The following OXR1 variants were observed in gnomAD, a reference collection of about 807,000 sequenced individuals.
OXR1 encodes the protein oxidation resistance protein 1.
A neutral mutation model predicts 104.6 loss-of-function variants in OXR1; 41 were observed. That is an observed-to-expected ratio of 0.39 (90% CI 0.31 to 0.51). The LOEUF (loss-of-function observed/expected upper bound fraction) is 0.51. Ranked by LOEUF, OXR1 falls within the 20% of genes least tolerant of loss-of-function variation. OXR1 has a pLI of 0.77. For missense variants in OXR1, 955 were observed against 1,031.9 expected (o/e 0.93, Z 1.02); for synonymous variants, 348 against 348.4 (o/e 1.00, Z 0.01).
chr8:106,270,621 A>AAGACCGCGCGGCGAGGGAGG (rs1306956588), intron 1 of OXR1, among the ~76,000 whole-genome samples: 11 of 142,784 alleles, frequency 7.7e-5, no homozygotes, highest in Non-Finnish European at 1.5e-4. Context: ...GGAAGAAGGA[A>AAGACCGCGCGGCGAGGGAGG]AGACCGCGCG....
At chr8:106,349,422 A>G (rs1200335831) in intron 1 of OXR1, among the ~76,000 whole-genome samples, 1 of 152,178 alleles carries the variant, frequency 6.6e-6, no homozygotes, top group East Asian at 1.9e-4. Context: ...GATAATAAGG[A>G]TTTGAACTTG....
At chr8:106,581,670 C>T (rs1266394180) in intron 3 of OXR1, among the ~76,000 whole-genome samples, 2 of 151,940 alleles carry the variant, frequency 1.3e-5, no homozygotes, top group Non-Finnish European at 2.9e-5. Flanking sequence ...CATTTAATGT[C>T]ACACTTGAGA....
At chr8:106,522,189 G>A (rs997083804) in intron 3 of OXR1, among the ~76,000 whole-genome samples, 1 of 151,864 alleles carries the variant, frequency 6.6e-6, no homozygotes, top group Non-Finnish European at 1.5e-5. Context: ...TAGAAGTACA[G>A]TTATTCTTTA....
Position 106,719,846 on chromosome 8 carries a change from C to G in OXR1, c.1956+5861C>G, listed in dbSNP as rs569491062. 2.0e-5 allele frequency among the ~76,000 whole-genome samples: 3 copies of G among 152,152 alleles called. No homozygotes were observed. In the East Asian group the frequency reaches 5.8e-4, roughly 29 times the overall value. On this transcript the variant is annotated intron_variant, in intron 11 of 16. Transcript: ENST00000517566. ...TTTGAGATGGAGTCTCCGTCTGTCG[C>G]TCAGGCTGGAGTGCAGTGGCGTCAT...
intron 6 of OXR1, 35 bp from the exon 7 acceptor site, chr8:106,692,693 C>CTTTT: frequency 8.9e-7 from 1 of 1,127,844 alleles, no homozygotes; most frequent in Admixed American, 3.0e-5. Flanking sequence ...TTGTTTTCTG[C>CTTTT]TTTTTTTTTT....
At chr8:106,492,972 G>A (rs1005002375) in intron 2 of OXR1, among the ~76,000 whole-genome samples, 7 of 152,070 alleles carry the variant, frequency 4.6e-5, no homozygotes, top group African/African-American at 1.7e-4. Context: ...ATGCATTGTG[G>A]ATTTTCCCAC....
At chr8:106,425,136 A>G (rs1191404706) in intron 2 of OXR1, among the ~76,000 whole-genome samples, 1 of 117,700 alleles carries the variant, frequency 8.5e-6, no homozygotes, top group African/African-American at 3.4e-5. Context: ...CCCATCGCCC[A>G]GGTAGGAAGG....
chr8:106,464,724 G>A (rs1392195871), intron 2 of OXR1, among the ~76,000 whole-genome samples: 1 of 151,990 alleles, frequency 6.6e-6, no homozygotes, highest in East Asian at 1.9e-4. Context: ...TACTTATCCT[G>A]TAGCTGGAAG....
In OXR1 at chr8:106,752,349, A is replaced by G. The variant is rs1484249052; in HGVS notation, c.*1408A>G. On this transcript the variant is annotated 3_prime_UTR_variant, in exon 17 of 17. Coordinates refer to ENST00000517566, the MANE Select transcript of OXR1 (RefSeq NM_001198533.2). ...GTAGATTTAGTTGTATAGCACTTAC[A>G]TATTTAGTTCTTTTGAAAGTTTAGA... The G allele has an allele frequency of 6.6e-6, 1 of 152,544 alleles. No individual in the cohort carries two copies. The highest frequency in any genetic ancestry group is 1.5e-5 in the Non-Finnish European group (1 of 67,948). 9.4% of individuals were successfully genotyped at this position (152,544 alleles called of 1,614,324 possible). A position where few individuals can be genotyped will look rare whatever the true frequency, so the allele number is the denominator to read the frequency against.
chr8:106,310,854 G>C (rs1413388115), intron 1 of OXR1, among the ~76,000 whole-genome samples: 1 of 152,038 alleles, frequency 6.6e-6, no homozygotes, highest in Non-Finnish European at 1.5e-5. Flanking sequence ...AGGGATTTCT[G>C]TTTGTCCTCA....
chr8:106,353,094 C>G (rs947381286), intron 1 of OXR1, among the ~76,000 whole-genome samples: 1 of 152,172 alleles, frequency 6.6e-6, no homozygotes, highest in African/African-American at 2.4e-5. Context: ...CGCCTATAAT[C>G]CCAGCACTAT....
chr8:106,646,671 T>C (rs1176744095), intron 3 of OXR1, among the ~76,000 whole-genome samples: 3 of 151,874 alleles, frequency 2.0e-5, no homozygotes, highest in African/African-American at 7.3e-5. Context: ...CCCAGAAAGA[T>C]AAAAAGACAG....
intron 3 of OXR1, among the ~76,000 whole-genome samples, chr8:106,547,564 G>T (rs1815466139): frequency 6.9e-6 from 1 of 144,446 alleles, no homozygotes; most frequent in African/African-American, 2.6e-5. Context: ...CGCAATCTCA[G>T]CTGACTGTAA....
At position 106,578,983 on chromosome 8, in the gene OXR1, C is replaced by CTTTTTTTTTTTTTT. The variant is rs146593561; in HGVS notation, c.220+59847_220+59848insTTTTTTTTTTTTTT. 5.3e-5 allele frequency among the ~76,000 whole-genome samples: 7 copies of CTTTTTTTTTTTTTT among 131,000 alleles called. 1 individual carries two copies. Among genetic ancestry groups the CTTTTTTTTTTTTTT allele is most frequent in the African/African-American group, 9.0e-5 (3 of 33,224 alleles). 85.9% of individuals were successfully genotyped at this position (131,000 alleles called of 152,430 possible). A position where few individuals can be genotyped will look rare whatever the true frequency, so the allele number is the denominator to read the frequency against. The stretch of plus-strand genomic sequence containing the variant: ...GACCACCTAGGTAACCTCACTTTTT[C>CTTTTTTTTTTTTTT]TTTCTTTTTTTTTTTTTTTGCCTAG... On this transcript the variant is annotated intron_variant, in intron 3 of 16. Transcript: ENST00000517566.
At chr8:106,692,238 T>G (rs967872067) in intron 6 of OXR1, among the ~76,000 whole-genome samples, 1 of 152,020 alleles carries the variant, frequency 6.6e-6, no homozygotes, top group Admixed American at 6.6e-5. Flanking sequence ...TAGCTCGAGA[T>G]TTAAAAGGCT....
chr8:106,301,566 A>G (rs1303262781), intron 1 of OXR1, among the ~76,000 whole-genome samples: 1 of 152,194 alleles, frequency 6.6e-6, no homozygotes. Flanking sequence ...CCCTGCTGTG[A>G]TGCCCTTGTT....
chr8:106,367,025 G>T (rs964826325), intron 2 of OXR1, among the ~76,000 whole-genome samples: 8 of 150,758 alleles, frequency 5.3e-5, no homozygotes, highest in Non-Finnish European at 8.9e-5. Flanking sequence ...GTCAATAAAA[G>T]AATTCAATGC....
intron 2 of OXR1, among the ~76,000 whole-genome samples, chr8:106,517,579 G>A (rs1000549219): frequency 2.1e-4 from 27 of 127,312 alleles, no homozygotes; most frequent in African/African-American, 9.9e-4. Flanking sequence ...ACCACCACCA[G>A]CAGGGCAGAA....
chr8:106,557,723 G>A (rs1464700596), intron 3 of OXR1, among the ~76,000 whole-genome samples: 1 of 152,130 alleles, frequency 6.6e-6, no homozygotes, highest in Non-Finnish European at 1.5e-5. Flanking sequence ...TAGCTAAAAT[G>A]CTGCAAGAAC....
Sources: allele counts gnomAD v4.1 joint callset (sites outside exome capture counted in the v4.1 genomes callset), GRCh38; gene constraint gnomAD v4.1.1; transcripts MANE v1.5; gene names NCBI Gene and HGNC (gene_info 2026-07-23, HGNC 2026-07-21).